Variants in PUS7L observed in about 807,000 individuals in gnomAD.
The protein encoded by PUS7L is pseudouridine synthase 7 like.
Under a neutral mutation model 51.1 loss-of-function variants are expected in PUS7L, and 49 were observed. The ratio of observed to expected loss-of-function variants is 0.96; its 90% CI spans 0.76 to 1.22. The LOEUF is 1.22. Among genes scored for constraint, PUS7L ranks in the 50% most tolerant of loss-of-function variants. The pLI, the probability that PUS7L is intolerant of heterozygous loss-of-function variation, is 0.00. For missense variants in PUS7L, 828 were observed against 820.6 expected, an observed-to-expected ratio of 1.01 and a Z score of -0.11; for synonymous variants, 277 against 276.2, an observed-to-expected ratio of 1.00 and a Z score of -0.03.
rs1258092859 is a variant in PUS7L at position 43,725,437 on chromosome 12, T to C, written c.*4939A>G. 2.0e-5 allele frequency: 3 copies of C among 151,918 alleles called. No homozygotes were observed. The highest frequency in any genetic ancestry group is 7.2e-5 in the African/African-American group (3 of 41,392). The allele number at this position is 151,918 out of a possible 1,614,324, so 9.4% of individuals were successfully genotyped here. A position where few individuals can be genotyped will look rare whatever the true frequency, so the allele number is the denominator to read the frequency against. On this transcript the variant is annotated 3_prime_UTR_variant, in exon 9 of 9. Coordinates refer to ENST00000344862, the MANE Select transcript of PUS7L (RefSeq NM_031292.5). The stretch of plus-strand genomic sequence containing the variant: ...TTTTAATTTTTAGTTTAGTTTTTTT[T>C]TTTTTTTGAGGTGGAGCCTCGCTCT...
At chr12:43,736,787 G>GT in intron 6 of PUS7L, 126 bp from the exon 7 acceptor site, 1 of 752,950 alleles carries the variant, frequency 1.3e-6, no homozygotes, top group South Asian at 2.1e-5. Context: ...AACACTTTCA[G>GT]TTAAACCTAG....
In PUS7L at chr12:43,723,352, TA is replaced by T. The variant is rs530310829; in HGVS notation, c.*7023del. On this transcript the variant is annotated 3_prime_UTR_variant, in exon 9 of 9. Coordinates refer to ENST00000344862, the MANE Select transcript of PUS7L (RefSeq NM_031292.5). ...CCCATTCTTTAAACTAGTAGCTTTT[TA>T]GAAAGCAGCATTTAGACTGAATAGT... 4.6e-5 allele frequency: 7 copies of T among 152,248 alleles called. No homozygotes were observed. The South Asian group carries it at 1.5e-3, about 32-fold the overall frequency. 9.4% of individuals were successfully genotyped at this position (152,248 alleles called of 1,614,324 possible).
rs371280389 is a variant in PUS7L at position 43,748,400 on chromosome 12, T to A, written c.1070+50A>T. 7 of 1,333,392 alleles carry A rather than the reference T, an allele frequency of 5.2e-6. No individual in the cohort carries two copies. In the African/African-American group the frequency reaches 8.9e-5, roughly 17 times the overall value. The allele number at this position is 1,333,392 out of a possible 1,614,324, so 82.6% of individuals were successfully genotyped here. ...TTAGAAACCATTTAGACAATTTAAA[T>A]CTTCCACTTCTCAAAGTTTCTATCC... On this transcript the variant is annotated intron_variant, in intron 3 of 8. Transcript: ENST00000344862.
rs1592153912 is a variant in PUS7L at position 43,728,499 on chromosome 12, T to A, written c.*1877A>T. 1 of 152,170 alleles carries A rather than the reference T, an allele frequency of 6.6e-6. No individual in the cohort carries two copies. Among genetic ancestry groups the A allele is most frequent in the East Asian group, 1.9e-4 (1 of 5,184 alleles). 9.4% of individuals were successfully genotyped at this position (152,170 alleles called of 1,614,324 possible). A position where few individuals can be genotyped will look rare whatever the true frequency, so the allele number is the denominator to read the frequency against. On this transcript the variant is annotated 3_prime_UTR_variant, in exon 9 of 9. Coordinates refer to ENST00000344862, the MANE Select transcript of PUS7L (RefSeq NM_031292.5). ...ACGATTTATCATATAAAATAAAACATTTTTTCTAAATTTTTTTTACTACCT... is the reference window on the plus strand; with the variant it reads ...ACGATTTATCATATAAAATAAAACAATTTTTCTAAATTTTTTTTACTACCT...
intron 1 of PUS7L, 78 bp downstream of exon 1, chr12:43,758,652 T>TCGGGG: frequency 1.4e-6 from 1 of 708,232 alleles, no homozygotes; most frequent in Non-Finnish European, 1.6e-6. Context: ...GCCAACCTCG[T>TCGGGG]CACCCCCCCC....
intron 7 of PUS7L, among the ~76,000 whole-genome samples, chr12:43,735,922 G>A (rs567144614): frequency 9.2e-5 from 14 of 152,094 alleles, no homozygotes; most frequent in Non-Finnish European, 1.6e-4. Flanking sequence ...GATTACAGGC[G>A]TGCGCTACCA....
chr12:43,733,665 CT>C (rs1279680101), intron 7 of PUS7L, among the ~76,000 whole-genome samples: 4 of 152,174 alleles, frequency 2.6e-5, no homozygotes, highest in Non-Finnish European at 5.9e-5. Flanking sequence ...AAATGGATGA[CT>C]TACTAATTAG....
chr12:43,730,727 T>C, intron 8 of PUS7L, 25 bp from the exon 9 acceptor site: 4 of 1,469,374 alleles, frequency 2.7e-6, no homozygotes, highest in South Asian at 2.4e-5. Flanking sequence ...AGGGAAAAAA[T>C]ATGAAAATAG....
chr12:43,725,035 AG>A lies in PUS7L; in HGVS notation c.*5340del, dbSNP rs1249880023. On this transcript the variant is annotated 3_prime_UTR_variant, in exon 9 of 9. Transcript: ENST00000344862. ...CTGAGGCCTGCATAGTTGGCTAAAA[AG>A]GTAAATCAGCCAATGTTGATATATG... 2 of 152,220 alleles carry A rather than the reference AG, an allele frequency of 1.3e-5. No individual in the cohort carries two copies. The highest frequency in any genetic ancestry group is 2.9e-5 in the Non-Finnish European group (2 of 68,034). The allele number at this position is 152,220 out of a possible 1,614,324, so 9.4% of individuals were successfully genotyped here.
intron 4 of PUS7L, chr12:43,742,772 A>C (rs1312878689): frequency 2.3e-6 from 1 of 430,914 alleles, no homozygotes; most frequent in African/African-American, 2.2e-5. Context: ...AATGAAGAAA[A>C]CTTTAAAAAT....
At position 43,729,800 on chromosome 12, in the gene PUS7L, G is replaced by C. The variant is rs1193641900; in HGVS notation, c.*576C>G. 1 of 152,402 alleles carries C rather than the reference G, an allele frequency of 6.6e-6. No individual in the cohort carries two copies. Among genetic ancestry groups the C allele is most frequent in the South Asian group, 2.1e-4 (1 of 4,840 alleles). 9.4% of individuals were successfully genotyped at this position (152,402 alleles called of 1,614,324 possible). A position where few individuals can be genotyped will look rare whatever the true frequency, so the allele number is the denominator to read the frequency against. On this transcript the variant is annotated 3_prime_UTR_variant, in exon 9 of 9. Coordinates refer to ENST00000344862, the MANE Select transcript of PUS7L (RefSeq NM_031292.5). ...AGATATAAAAATTGGATGAGAAATT[G>C]TATTTCAATCTTCATCAAAGATTAC...
intron 7 of PUS7L, among the ~76,000 whole-genome samples, chr12:43,733,822 C>T (rs1440352912): frequency 6.6e-6 from 1 of 152,118 alleles, no homozygotes; most frequent in Non-Finnish European, 1.5e-5. Flanking sequence ...TACTAGATTT[C>T]TTTTCACACA....
chr12:43,727,468 T>C lies in PUS7L; in HGVS notation c.*2908A>G, dbSNP rs114085138. 35 of 152,132 alleles carry C rather than the reference T, an allele frequency of 2.3e-4. No individual in the cohort carries two copies. Among genetic ancestry groups the C allele is most frequent in the African/African-American group, 8.4e-4 (35 of 41,484 alleles). The allele number at this position is 152,132 out of a possible 1,614,324, so 9.4% of individuals were successfully genotyped here. The stretch of plus-strand genomic sequence containing the variant: ...ATTACAGTGGACTGGATAAAGAAAA[T>C]GTAGTACATGTATACCAGATAATAC... On this transcript the variant is annotated 3_prime_UTR_variant, in exon 9 of 9. Transcript: ENST00000344862.
In PUS7L at chr12:43,721,981, A is replaced by G. The variant is rs1337591342; in HGVS notation, c.*8395T>C. 6.6e-6 allele frequency: 1 copy of G among 152,160 alleles called. No individual in the cohort carries two copies. Among genetic ancestry groups the G allele is most frequent in the Non-Finnish European group, 1.5e-5 (1 of 67,992 alleles). 9.4% of individuals were successfully genotyped at this position (152,160 alleles called of 1,614,324 possible). ...TAAATTACCTTCAGGTTATGTGTATAAGGTATATATGAAACATAAATGAAT... is the reference window on the plus strand; with the variant it reads ...TAAATTACCTTCAGGTTATGTGTATGAGGTATATATGAAACATAAATGAAT... On this transcript the variant is annotated 3_prime_UTR_variant, in exon 9 of 9. Coordinates refer to ENST00000344862, the MANE Select transcript of PUS7L (RefSeq NM_031292.5).
At position 43,727,496 on chromosome 12, in the gene PUS7L, C is replaced by T. The variant is rs1478973283; in HGVS notation, c.*2880G>A. On this transcript the variant is annotated 3_prime_UTR_variant, in exon 9 of 9. Transcript: ENST00000344862. ...AGTACATGTATACCAGATAATACTA[C>T]ACAGTCATAAAAAAGAACAAAATAA... 1 of 152,088 alleles carries T rather than the reference C, an allele frequency of 6.6e-6. No individual in the cohort carries two copies. The highest frequency in any genetic ancestry group is 1.5e-5 in the Non-Finnish European group (1 of 68,002). The allele number at this position is 152,088 out of a possible 1,614,324, so 9.4% of individuals were successfully genotyped here. A position where few individuals can be genotyped will look rare whatever the true frequency, so the allele number is the denominator to read the frequency against.
intron 5 of PUS7L, 53 bp from the exon 6 acceptor site, chr12:43,738,444 CT>C: frequency 8.4e-6 from 8 of 954,506 alleles, no homozygotes; most frequent in South Asian, 1.4e-5. Flanking sequence ...AAATTACTTT[CT>C]TTAAAAAAAG....
intron 7 of PUS7L, among the ~76,000 whole-genome samples, chr12:43,733,506 T>C (rs892263093): frequency 9.2e-5 from 14 of 152,180 alleles, no homozygotes; most frequent in African/African-American, 3.1e-4. Flanking sequence ...TCTTCTCCTA[T>C]AGCTCCAAAA....
intron 3 of PUS7L, among the ~76,000 whole-genome samples, chr12:43,747,266 A>C (rs970688624): frequency 1.3e-5 from 2 of 152,258 alleles, no homozygotes; most frequent in African/African-American, 4.8e-5. Flanking sequence ...CCATTTTCAA[A>C]AACAGGGAAT....
At chr12:43,754,271 C>A (rs1938585043) in intron 2 of PUS7L, 65 bp downstream of exon 2, 1 of 1,138,040 alleles carries the variant, frequency 8.8e-7, no homozygotes. Flanking sequence ...CTGTTCAATT[C>A]ATTTTCACAA....
Sources: allele counts gnomAD v4.1 joint callset (sites outside exome capture counted in the v4.1 genomes callset), GRCh38; gene constraint gnomAD v4.1.1; transcripts MANE v1.5; gene names NCBI Gene and HGNC (gene_info 2026-07-23, HGNC 2026-07-21).